The following SPOCK3 variants were observed in gnomAD, a reference collection of about 807,000 sequenced individuals.
SPOCK3 encodes the protein testican-3.
A neutral mutation model predicts 56.6 loss-of-function variants in SPOCK3; 30 were observed. The observed-to-expected ratio is 0.53, with a 90% CI of 0.40 to 0.72. The LOEUF (loss-of-function observed/expected upper bound fraction) is 0.72, where lower values mean the gene tolerates loss of function less well. Among genes scored for constraint, SPOCK3 ranks in the 30% least tolerant of loss-of-function variants. SPOCK3 has a pLI of 0.00. For synonymous variants in SPOCK3, 196 were observed against 183.3 expected (o/e 1.07, Z -0.56); for missense variants, 527 against 530.0 (o/e 0.99, Z 0.06).
chr4:167,004,328 A>C (rs188695416), intron 3 of SPOCK3, among the ~76,000 whole-genome samples: 1 of 152,312 alleles, frequency 6.6e-6, no homozygotes, highest in East Asian at 1.9e-4. Context: ...AGTAGATGGA[A>C]TAAATAGCAA....
At chr4:167,128,281 T>G (rs1762445617) in intron 2 of SPOCK3, among the ~76,000 whole-genome samples, 2 of 152,184 alleles carry the variant, frequency 1.3e-5, no homozygotes, top group South Asian at 4.1e-4. Flanking sequence ...CACCAAACTC[T>G]TCCCAAAGTT....
chr4:167,047,951 C>T (rs1753870491), intron 3 of SPOCK3, among the ~76,000 whole-genome samples: 1 of 152,036 alleles, frequency 6.6e-6, no homozygotes, highest in South Asian at 2.1e-4. Context: ...GAGGCTGAGC[C>T]AGGAGAATTA....
At chr4:166,944,149 A>C (rs960108446) in intron 4 of SPOCK3, among the ~76,000 whole-genome samples, 2 of 152,220 alleles carry the variant, frequency 1.3e-5, no homozygotes, top group African/African-American at 4.8e-5. Context: ...TGTCTCAAAA[A>C]AAATTTTTTT....
At chr4:167,138,361 A>G (rs1763279139) in intron 2 of SPOCK3, among the ~76,000 whole-genome samples, 1 of 151,880 alleles carries the variant, frequency 6.6e-6, no homozygotes. Context: ...TATTCTTATT[A>G]TTTCATAATT....
At chr4:167,155,282 A>C (rs1764723799) in intron 2 of SPOCK3, among the ~76,000 whole-genome samples, 1 of 151,454 alleles carries the variant, frequency 6.6e-6, no homozygotes, top group African/African-American at 2.4e-5. Flanking sequence ...ACGCCCAGCT[A>C]ATATTTTCTA....
intron 2 of SPOCK3, among the ~76,000 whole-genome samples, chr4:167,155,286 T>C (rs1764724492): frequency 6.6e-6 from 1 of 151,860 alleles, no homozygotes; most frequent in Non-Finnish European, 1.5e-5. Context: ...CCAGCTAATA[T>C]TTTCTATTTT....
At chr4:166,933,691 A>G (rs1740053572) in intron 4 of SPOCK3, among the ~76,000 whole-genome samples, 2 of 152,238 alleles carry the variant, frequency 1.3e-5, no homozygotes, top group African/African-American at 4.8e-5. Flanking sequence ...GACTTAGAAC[A>G]TAGAGATAAG....
At chr4:166,784,259 G>A (rs1292798420) in intron 7 of SPOCK3, among the ~76,000 whole-genome samples, 1 of 151,998 alleles carries the variant, frequency 6.6e-6, no homozygotes, top group African/African-American at 2.4e-5. Flanking sequence ...CTCAGGACAC[G>A]ATAATGTAAC....
intron 2 of SPOCK3, among the ~76,000 whole-genome samples, chr4:167,130,832 G>T (rs2150380950): frequency 6.6e-6 from 1 of 152,164 alleles, no homozygotes; most frequent in Middle Eastern, 3.4e-3. Context: ...CATGTCACTA[G>T]AAAAATTTAG....
chr4:167,107,589 C>T (rs911035473), intron 2 of SPOCK3, among the ~76,000 whole-genome samples: 3 of 151,776 alleles, frequency 2.0e-5, no homozygotes, highest in East Asian at 1.9e-4. Flanking sequence ...ATTGGGAACA[C>T]GGTAAGGATG....
At chr4:166,970,409 T>C (rs932664855) in intron 4 of SPOCK3, among the ~76,000 whole-genome samples, 5 of 152,156 alleles carry the variant, frequency 3.3e-5, no homozygotes, top group Non-Finnish European at 2.9e-5. Flanking sequence ...CAGACAACTA[T>C]AAATTCCAAA....
chr4:166,926,378 A>G (rs911566953), intron 4 of SPOCK3, among the ~76,000 whole-genome samples: 6 of 152,258 alleles, frequency 3.9e-5, no homozygotes, highest in South Asian at 2.1e-4. Flanking sequence ...GTAGAACTTC[A>G]GTTTTCTCAA....
chr4:167,223,704 C>A (rs1167759202), intron 2 of SPOCK3, among the ~76,000 whole-genome samples: 1 of 151,998 alleles, frequency 6.6e-6, no homozygotes, highest in Non-Finnish European at 1.5e-5. Flanking sequence ...AATCCCAGCA[C>A]TTGAGGAGGC....
At chr4:167,061,988 C>T (rs189572644) in intron 3 of SPOCK3, among the ~76,000 whole-genome samples, 2 of 151,744 alleles carry the variant, frequency 1.3e-5, no homozygotes, top group African/African-American at 4.8e-5. Flanking sequence ...ATCAGAATTG[C>T]AAACTGTTTG....
intron 4 of SPOCK3, among the ~76,000 whole-genome samples, chr4:166,931,661 T>C (rs1739800080): frequency 6.6e-6 from 1 of 152,216 alleles, no homozygotes; most frequent in Non-Finnish European, 1.5e-5. Context: ...CTACCTCCAT[T>C]TCATTGTTTA....
chr4:166,772,366 T>C (rs1220381594), intron 7 of SPOCK3, among the ~76,000 whole-genome samples: 1 of 152,150 alleles, frequency 6.6e-6, no homozygotes, highest in African/African-American at 2.4e-5. Flanking sequence ...TGTATCTATA[T>C]TGTGTCTGAA....
At chr4:166,792,113 T>C (rs1241986319) in intron 7 of SPOCK3, 57 bp downstream of exon 7, 2 of 1,601,336 alleles carry the variant, frequency 1.2e-6, no homozygotes, top group East Asian at 2.2e-5. Flanking sequence ...AAGTGGTTCA[T>C]TGGAAATAAA....
intron 2 of SPOCK3, among the ~76,000 whole-genome samples, chr4:167,191,062 G>T (rs762994739): frequency 1.4e-5 from 2 of 145,392 alleles, no homozygotes; most frequent in Non-Finnish European, 3.0e-5. Flanking sequence ...GAAGTGTAAG[G>T]CTTCCAGCTT....
At chr4:166,765,009 T>C (rs1435505911) in intron 7 of SPOCK3, among the ~76,000 whole-genome samples, 3 of 152,220 alleles carry the variant, frequency 2.0e-5, no homozygotes, top group African/African-American at 7.2e-5. Flanking sequence ...TGTCTGTTCA[T>C]ATCCTTTACC....
Sources: allele counts gnomAD v4.1 joint callset (sites outside exome capture counted in the v4.1 genomes callset), GRCh38; gene constraint gnomAD v4.1.1; transcripts MANE v1.5; gene names NCBI Gene and HGNC (gene_info 2026-07-23, HGNC 2026-07-21).